Variants in FAM107A observed in about 807,000 individuals in gnomAD.
FAM107A encodes the protein actin-associated protein FAM107A.
Under a neutral mutation model 13.7 loss-of-function variants are expected in FAM107A, and 19 were observed. The ratio of observed to expected loss-of-function variants is 1.38; its 90% CI spans 0.97 to 2.03. The LOEUF is 2.03. Among genes scored for constraint, FAM107A ranks in the 30% most tolerant of loss-of-function variants. The pLI is 0.00. For missense variants in FAM107A, 203 were observed against 184.4 expected, an observed-to-expected ratio of 1.10 and a Z score of -0.58; for synonymous variants, 82 against 74.5, an observed-to-expected ratio of 1.10 and a Z score of -0.52.
intron 2 of FAM107A, among the ~76,000 whole-genome samples, chr3:58,568,592 G>A (rs1440389310): frequency 1.3e-5 from 2 of 151,980 alleles, no homozygotes; most frequent in East Asian, 1.9e-4. Context: ...TGATATTAAA[G>A]GGACGAGTCT....
At chr3:58,587,092 C>G (rs1004674951) in exon 1 of FAM107A, 6 of 1,366,410 alleles carry the variant, frequency 4.4e-6, no homozygotes, top group Non-Finnish European at 5.6e-6. Flanking sequence ...GAGGGGCGGG[C>G]GAGGAGACGC....
At chr3:58,574,341 G>A (rs2063712859) in intron 1 of FAM107A, 2 of 152,206 alleles carry the variant, frequency 1.3e-5, no homozygotes, top group Non-Finnish European at 2.9e-5. Flanking sequence ...GGTTTGGGGG[G>A]CGGCTTGGCT....
At chr3:58,596,858 C>T (rs2065711976) in intron 1 of FAM107A, among the ~76,000 whole-genome samples, 1 of 152,112 alleles carries the variant, frequency 6.6e-6, no homozygotes, top group Admixed American at 6.5e-5. Context: ...CCAGTCAATA[C>T]CTACTTTCTC....
At chr3:58,572,251 A>G (rs546080052) in intron 1 of FAM107A, among the ~76,000 whole-genome samples, 13 of 152,212 alleles carry the variant, frequency 8.5e-5, no homozygotes, top group African/African-American at 2.9e-4. Flanking sequence ...GAACTAAACA[A>G]GTGAGATCCC....
chr3:58,616,995 A>G (rs1412756110), intron 1 of FAM107A, among the ~76,000 whole-genome samples: 1 of 152,076 alleles, frequency 6.6e-6, no homozygotes, highest in Non-Finnish European at 1.5e-5. Flanking sequence ...GATGGTCTCA[A>G]TCTCTTGACC....
intron 3 of FAM107A, 24 bp from the exon 4 acceptor site, chr3:58,566,719 T>C: frequency 6.4e-7 from 1 of 1,561,044 alleles, no homozygotes; most frequent in Non-Finnish European, 8.8e-7. Flanking sequence ...AAGCAGAGAG[T>C]GAAGTGGGTG....
In FAM107A at chr3:58,567,192, G is replaced by A; in HGVS notation, c.327+16C>T. 2 of 1,614,100 alleles carry A rather than the reference G, an allele frequency of 1.2e-6. No individual in the cohort carries two copies. The highest frequency in any genetic ancestry group is 1.1e-5 in the South Asian group (1 of 91,076). ...CCTGGAGGATGCGTGGTCCCTGCTG[G>A]GTGCCCATCACCCACCTGGTTCAGC... is the stretch of plus-strand genomic sequence containing the variant. On this transcript the variant is annotated intron_variant, in intron 3 of 3. Coordinates refer to ENST00000360997, the MANE Select transcript of FAM107A (RefSeq NM_001076778.3).
chr3:58,596,820 C>A (rs571198456), intron 1 of FAM107A, among the ~76,000 whole-genome samples: 1 of 152,206 alleles, frequency 6.6e-6, no homozygotes, highest in East Asian at 1.9e-4. Context: ...ATATATATGA[C>A]AAAATATATA....
chr3:58,569,545 C>G lies in FAM107A; in HGVS notation c.170+146G>C, dbSNP rs572377496. On this transcript the variant is annotated intron_variant, in intron 2 of 3. Coordinates refer to ENST00000360997, the MANE Select transcript of FAM107A (RefSeq NM_001076778.3). The surrounding 1 kb of genome is among the most constrained non-coding windows in gnomAD (Gnocchi z 5.7). Reference sequence around the variant, plus strand: ...GGGACAGGGTCTTTACAGGTTTTGCCGGTGATCATGTGGGGCACCTCAGCC... The same window carrying G: ...GGGACAGGGTCTTTACAGGTTTTGCGGGTGATCATGTGGGGCACCTCAGCC... The G allele has an allele frequency of 4.4e-6, 3 of 682,114 alleles. No individual in the cohort carries two copies. Among genetic ancestry groups the G allele is most frequent in the East Asian group, 2.6e-5 (1 of 38,246 alleles). The allele number at this position is 682,114 out of a possible 1,614,324, so 42.3% of individuals were successfully genotyped here.
At chr3:58,610,142 A>G (rs1405298414) in intron 1 of FAM107A, among the ~76,000 whole-genome samples, 1 of 152,182 alleles carries the variant, frequency 6.6e-6, no homozygotes, top group East Asian at 1.9e-4. Context: ...AACCACTTCC[A>G]TCTACCAGAT....
chr3:58,567,183 T>G, intron 3 of FAM107A, 25 bp downstream of exon 3: 1 of 1,613,962 alleles, frequency 6.2e-7, no homozygotes, highest in Non-Finnish European at 8.5e-7. Flanking sequence ...GGATGCGTGG[T>G]CCCTGCTGGG....
upstream of FAM107A, among the ~76,000 whole-genome samples, chr3:58,579,960 C>T (rs2065512560): frequency 6.6e-6 from 1 of 152,242 alleles, no homozygotes. Flanking sequence ...CTGAGGGGCT[C>T]AATAACTATT....
At chr3:58,624,513 TG>T (rs1439287106) in intron 1 of FAM107A, among the ~76,000 whole-genome samples, 2 of 152,100 alleles carry the variant, frequency 1.3e-5, no homozygotes, top group Non-Finnish European at 2.9e-5. Context: ...TCTCTCCTCC[TG>T]GGGGGCCATT....
At chr3:58,566,929 G>A in intron 3 of FAM107A, 1 of 607,458 alleles carries the variant, frequency 1.6e-6, no homozygotes, top group Non-Finnish European at 2.9e-6. Flanking sequence ...TCTCTAAAAT[G>A]GGAATGCCAC....
At position 58,616,526 on chromosome 3, in the gene FAM107A, A is replaced by AACACACAC. The variant is rs59230021; in HGVS notation, c.-70+10882_-70+10889dup. On this transcript the variant is annotated intron_variant, in intron 1 of 3. Coordinates refer to the FAM107A transcript ENST00000465970. Reference sequence around the variant, plus strand: ...CTGACTGGTGTCCTTATAAGAGGAGAACACACACACACACACACACACACA... The same window carrying AACACACAC: ...CTGACTGGTGTCCTTATAAGAGGAGAACACACACACACACACACACACACACACACACA... Among the ~76,000 whole-genome samples the AACACACAC allele has an allele frequency of 3.8e-3, 525 of 137,850 alleles. 1 individual carries two copies. The highest frequency in any genetic ancestry group is 0.011 in the East Asian group (49 of 4,524). 90.4% of individuals were successfully genotyped at this position (137,850 alleles called of 152,430 possible). A position where few individuals can be genotyped will look rare whatever the true frequency, so the allele number is the denominator to read the frequency against.
chr3:58,586,638 C>T (rs1351342347), intron 1 of FAM107A, among the ~76,000 whole-genome samples: 1 of 152,136 alleles, frequency 6.6e-6, no homozygotes, highest in African/African-American at 2.4e-5. Context: ...TTGGAAGCTG[C>T]AGTGAGCTAT....
At chr3:58,579,601 G>A (rs565112391), upstream of FAM107A, among the ~76,000 whole-genome samples, 6 of 152,120 alleles carry the variant, frequency 3.9e-5, no homozygotes, top group Admixed American at 6.5e-5. Context: ...GCTCTGCAAA[G>A]AAGTATTTTG....
intron 1 of FAM107A, among the ~76,000 whole-genome samples, chr3:58,593,523 C>T (rs756542083): frequency 3.3e-5 from 5 of 152,088 alleles, no homozygotes; most frequent in Admixed American, 1.3e-4. Context: ...TCTCTTGAAG[C>T]GGATAGAAGA....
At chr3:58,614,144 C>T (rs993273139) in intron 1 of FAM107A, among the ~76,000 whole-genome samples, 3 of 152,218 alleles carry the variant, frequency 2.0e-5, no homozygotes, top group Non-Finnish European at 4.4e-5. Context: ...GCCATGCTGT[C>T]CCAGGCCAGA....
Sources: allele counts gnomAD v4.1 joint callset (sites outside exome capture counted in the v4.1 genomes callset), GRCh38; gene constraint gnomAD v4.1.1; non-coding constraint Gnocchi (gnomAD v3.1); transcripts MANE v1.5; gene names NCBI Gene and HGNC (gene_info 2026-07-23, HGNC 2026-07-21).